ABI2: variants seen among roughly 807,000 people sequenced by gnomAD.
ABI2 encodes the protein abelson interactor 2.
Under a neutral mutation model 59.2 loss-of-function variants are expected in ABI2, and 25 were observed. That is an observed-to-expected ratio of 0.42 (90% confidence interval 0.31 to 0.59). The LOEUF (loss-of-function observed/expected upper bound fraction) is 0.59, where lower values mean the gene tolerates loss of function less well. Ranked by LOEUF, ABI2 falls within the 20% of genes least tolerant of loss-of-function variation. The pLI is 0.14. For synonymous variants in ABI2, 213 were observed against 235.5 expected (o/e 0.90, Z 0.87); for missense variants, 545 against 681.8 (o/e 0.80, Z 2.23).
At position 203,407,337 on chromosome 2, in the gene ABI2, C is replaced by T. The variant is rs181539654; in HGVS notation, c.1193-3948C>T. ...GGAAAAAAACATAAGCATCTCAACT[C>T]GCATGGGCTATATAATATATATATC... is the stretch of plus-strand genomic sequence containing the variant. On this transcript the variant is annotated intron_variant, in intron 9 of 11. Transcript: ENST00000261018. 2.9e-3 allele frequency among the ~76,000 whole-genome samples: 441 copies of T among 152,262 alleles called. 4 individuals carry two copies. Among genetic ancestry groups the T allele is most frequent in the Non-Finnish European group, 4.5e-3 (307 of 68,036 alleles).
intron 11 of ABI2, among the ~76,000 whole-genome samples, chr2:203,420,766 A>C (rs2098165063): frequency 6.6e-6 from 1 of 152,212 alleles, no homozygotes; most frequent in Non-Finnish European, 1.5e-5. Context: ...TTGTTAAAAA[A>C]TGAATAGTGC....
At chr2:203,411,082 T>C (rs1178943426) in intron 9 of ABI2, among the ~76,000 whole-genome samples, 1 of 152,032 alleles carries the variant, frequency 6.6e-6, no homozygotes, top group Non-Finnish European at 1.5e-5. Flanking sequence ...CCTGTTGTGA[T>C]TTTCAAAAAC....
rs1006201587 is a variant in ABI2 at position 203,334,854 on chromosome 2, T to C, written c.117+6223T>C. ...TTTTGTATTTTTAGTAGAGACGGGG[T>C]TTCACCGTATTGGCCAGGCTGGTCT... On this transcript the variant is annotated intron_variant, in intron 1 of 11. Transcript: ENST00000261018. 6.6e-5 allele frequency among the ~76,000 whole-genome samples: 10 copies of C among 152,170 alleles called. No homozygotes were observed. The East Asian group carries it at 1.9e-3, about 29-fold the overall frequency.
At chr2:203,393,403 G>A (rs2096849913) in intron 5 of ABI2, among the ~76,000 whole-genome samples, 1 of 152,218 alleles carries the variant, frequency 6.6e-6, no homozygotes, top group African/African-American at 2.4e-5. Context: ...AAAATTAGAT[G>A]TTGGAGAAAT....
chr2:203,355,461 G>C lies in ABI2; in HGVS notation c.118-11416G>C, dbSNP rs543436064. ...TGAGAGTTTGAAGCTGCAGTGAGCT[G>C]TCATTGCACCACTGCACTCTAGCCT... On this transcript the variant is annotated intron_variant, in intron 1 of 11. Transcript: ENST00000261018. The C allele has an allele frequency of 3.7e-5, 6 of 163,570 alleles. No homozygotes were observed. In the South Asian group the frequency reaches 9.8e-4, roughly 27 times the overall value. The allele number at this position is 163,570 out of a possible 1,614,324, so 10.1% of individuals were successfully genotyped here. A position where few individuals can be genotyped will look rare whatever the true frequency, so the allele number is the denominator to read the frequency against.
In ABI2 at chr2:203,396,809, C is replaced by T. The variant is rs1398665600; in HGVS notation, c.875C>T (p.Pro292Leu). 5 of 1,532,944 alleles carry T rather than the reference C, an allele frequency of 3.3e-6. No individual in the cohort carries two copies. The highest frequency in any genetic ancestry group is 4.4e-6 in the Non-Finnish European group (5 of 1,145,668). The allele number at this position is 1,532,944 out of a possible 1,614,324, so 95.0% of individuals were successfully genotyped here. A position where few individuals can be genotyped will look rare whatever the true frequency, so the allele number is the denominator to read the frequency against. The change falls in exon 8 of 12, where the codon CCT becomes CTT. Residue 292 changes from proline to leucine, a missense_variant. Pro to Leu is a moderately conservative substitution (Grantham distance 98, BLOSUM62 -3). Coordinates refer to ENST00000261018, the MANE Select transcript of ABI2 (RefSeq NM_001375670.1). ...FPAPAGSAGT[P>L]PLPATSASAP... ...GCCCCTGCTGGCTCTGCTGGCACTC[C>T]TCCCCTTCCTGCTACTTCTGCATCT...
At chr2:203,389,521 A>G (rs933509151) in intron 4 of ABI2, among the ~76,000 whole-genome samples, 3 of 152,214 alleles carry the variant, frequency 2.0e-5, no homozygotes, top group African/African-American at 4.8e-5. Context: ...TCTGTATACA[A>G]TTATGATTTG....
chr2:203,344,781 A>G (rs2082165582), intron 1 of ABI2, among the ~76,000 whole-genome samples: 1 of 152,074 alleles, frequency 6.6e-6, no homozygotes, highest in African/African-American at 2.4e-5. Context: ...AAACGGACCA[A>G]TCAGGACTCT....
chr2:203,355,978 T>C (rs140193425), intron 1 of ABI2, among the ~76,000 whole-genome samples: 20 of 152,244 alleles, frequency 1.3e-4, no homozygotes, highest in Admixed American at 4.6e-4. Flanking sequence ...TTTAGTTTAT[T>C]GTCTCCTAGC....
chr2:203,366,800 T>G, intron 1 of ABI2, 77 bp from the exon 2 acceptor site: 42 of 1,390,442 alleles, frequency 3.0e-5, no homozygotes, highest in South Asian at 4.9e-5. Flanking sequence ...ATCGTTGTGA[T>G]GAGTTTTTTG....
chr2:203,351,514 T>G (rs776729253), intron 1 of ABI2: 2 of 426,442 alleles, frequency 4.7e-6, no homozygotes, highest in Non-Finnish European at 9.1e-6. Context: ...AATGATGTTT[T>G]GTAGTTTTCA....
At chr2:203,329,307 TAGAG>T (rs1363760093) in intron 1 of ABI2, 2 of 73,670 alleles carry the variant, frequency 2.7e-5, no homozygotes, top group Non-Finnish European at 4.7e-5. Context: ...GACTGTTTCT[TAGAG>T]AGAATTGGGA....
chr2:203,382,157 A>G (rs1232536851), intron 3 of ABI2, 32 bp from the exon 4 acceptor site: 3 of 1,510,020 alleles, frequency 2.0e-6, no homozygotes, highest in Non-Finnish European at 2.6e-6. Context: ...TTTTTTCCTT[A>G]CCTCTTTTAT....
At chr2:203,330,016 C>CG (rs2071949431) in intron 1 of ABI2, among the ~76,000 whole-genome samples, 1 of 152,088 alleles carries the variant, frequency 6.6e-6, no homozygotes, top group South Asian at 2.1e-4. Context: ...GGATTATAGG[C>CG]GTGAGGCACC....
intron 1 of ABI2, among the ~76,000 whole-genome samples, chr2:203,362,636 C>T (rs1246087545): frequency 6.6e-6 from 1 of 151,910 alleles, no homozygotes; most frequent in East Asian, 1.9e-4. Context: ...AAGCTATTCT[C>T]CTGCCTCAGC....
chr2:203,406,909 T>C (rs2097450448), intron 9 of ABI2, among the ~76,000 whole-genome samples: 2 of 152,116 alleles, frequency 1.3e-5, no homozygotes, highest in African/African-American at 4.8e-5. Context: ...GTGATCCAGT[T>C]CCATCTGGCG....
At chr2:203,376,798 T>C (rs2095731997) in intron 2 of ABI2, among the ~76,000 whole-genome samples, 1 of 151,494 alleles carries the variant, frequency 6.6e-6, no homozygotes, top group African/African-American at 2.4e-5. Flanking sequence ...TTTGTGTGTA[T>C]ATGAAGAGAA....
intron 11 of ABI2, among the ~76,000 whole-genome samples, chr2:203,421,144 CTT>C (rs1415514794): frequency 6.6e-6 from 1 of 151,958 alleles, no homozygotes. Flanking sequence ...ACTTATGTAA[CTT>C]TTTTTGGAGA....
intron 2 of ABI2, chr2:203,367,551 T>TA: frequency 6.6e-6 from 1 of 152,010 alleles, no homozygotes; most frequent in Non-Finnish European, 1.5e-5. Context: ...AAAAGTTTTT[T>TA]AAAAAATGTT....
Sources: gnomAD v4.1 joint callset for allele counts (sites outside exome capture counted in the v4.1 genomes callset) on GRCh38, gnomAD v4.1.1 for gene constraint, MANE v1.5 for transcripts, NCBI Gene and HGNC (gene_info 2026-07-23, HGNC 2026-07-21) for gene names.